FOXP2: variants seen among roughly 807,000 people sequenced by gnomAD.
The protein encoded by FOXP2 is forkhead box protein P2.
FOXP2 carries 12 observed loss-of-function variants against 115.8 expected under a neutral mutation model. The observed-to-expected ratio is 0.10, with a 90% CI of 0.07 to 0.17. The LOEUF is 0.17. Among genes scored for constraint, FOXP2 ranks in the 10% least tolerant of loss-of-function variants. FOXP2 has a pLI of 1.00. For missense variants in FOXP2, 629 were observed against 843.5 expected (o/e 0.75, Z 3.15); for synonymous variants, 328 against 297.7 (o/e 1.10, Z -1.05).
chr7:114,554,321 C>T (rs1218858788), intron 3 of FOXP2, among the ~76,000 whole-genome samples: 1 of 152,054 alleles, frequency 6.6e-6, no homozygotes, highest in East Asian at 1.9e-4. Flanking sequence ...TGCAAATACT[C>T]ATATTAATGT....
At chr7:114,471,428 A>G (rs1435458554) in intron 2 of FOXP2, among the ~76,000 whole-genome samples, 1 of 152,084 alleles carries the variant, frequency 6.6e-6, no homozygotes, top group Non-Finnish European at 1.5e-5. Context: ...CCTGACACAT[A>G]CCTTAATATC....
intron 1 of FOXP2, among the ~76,000 whole-genome samples, chr7:114,216,360 T>C (rs1431098483): frequency 6.6e-6 from 1 of 152,184 alleles, no homozygotes; most frequent in Admixed American, 6.6e-5. Flanking sequence ...AAATTGCTAT[T>C]ATATATACCA....
chr7:114,650,935 T>C (rs931077631), intron 8 of FOXP2, among the ~76,000 whole-genome samples: 3 of 152,094 alleles, frequency 2.0e-5, no homozygotes, highest in Admixed American at 6.6e-5. Flanking sequence ...TTCTGATTGT[T>C]GAACCTAGGT....
intron 2 of FOXP2, among the ~76,000 whole-genome samples, chr7:114,471,795 C>T (rs894518345): frequency 1.4e-4 from 17 of 121,490 alleles, no homozygotes; most frequent in African/African-American, 4.9e-4. Context: ...ACTAAAAATA[C>T]AAAAAAAAAA....
intron 1 of FOXP2, among the ~76,000 whole-genome samples, chr7:114,167,324 G>A (rs972088239): frequency 3.6e-4 from 55 of 152,198 alleles, no homozygotes; most frequent in African/African-American, 1.3e-3. Flanking sequence ...AGTGATTGAA[G>A]CTATATGAAG....
At chr7:114,302,037 T>C (rs1485237129) in intron 2 of FOXP2, among the ~76,000 whole-genome samples, 1 of 152,188 alleles carries the variant, frequency 6.6e-6, no homozygotes, top group African/African-American at 2.4e-5. Flanking sequence ...AGTAAATCCC[T>C]GAGGCTGTTG....
chr7:114,384,914 C>T (rs1792404591), intron 2 of FOXP2, among the ~76,000 whole-genome samples: 1 of 151,912 alleles, frequency 6.6e-6, no homozygotes, highest in South Asian at 2.1e-4. Flanking sequence ...ACACTGACAA[C>T]AAAGTGACAA....
chr7:114,121,454 C>CA (rs1791563703), intron 1 of FOXP2, among the ~76,000 whole-genome samples: 1 of 152,154 alleles, frequency 6.6e-6, no homozygotes, highest in African/African-American at 2.4e-5. Context: ...CAGTTTTTTA[C>CA]ATTTTAAGCC....
intron 1 of FOXP2, among the ~76,000 whole-genome samples, chr7:114,232,014 A>T (rs1454098430): frequency 6.6e-6 from 1 of 152,202 alleles, no homozygotes; most frequent in Non-Finnish European, 1.5e-5. Flanking sequence ...CTCAGTGGCA[A>T]AAAAACAAAT....
chr7:114,622,768 T>C (rs189369762), intron 3 of FOXP2, among the ~76,000 whole-genome samples: 39 of 152,100 alleles, frequency 2.6e-4, no homozygotes, highest in Non-Finnish European at 4.0e-4. Flanking sequence ...ACAATTGTTT[T>C]GTTTTTTGTA....
rs1158578257 is a variant in FOXP2, at chr7:114,414,881, C to T, written c.-490C>T. The T allele has an allele frequency of 8.7e-6, 3 of 344,832 alleles. 1 individual carries two copies. Among genetic ancestry groups the T allele is most frequent in the Non-Finnish European group, 1.7e-5 (3 of 174,278 alleles). The allele number at this position is 344,832 out of a possible 1,614,324, so 21.4% of individuals were successfully genotyped here. On this transcript the variant is annotated 5_prime_UTR_variant, in exon 1 of 17. Coordinates refer to ENST00000350908, the MANE Select transcript of FOXP2 (RefSeq NM_014491.4). ...GGTGCTTTTGTCTCTCTCTCTCTGTCTTTCTCTCTCTCACACACACACTCA... is the reference window on the plus strand; with the variant it reads ...GGTGCTTTTGTCTCTCTCTCTCTGTTTTTCTCTCTCTCACACACACACTCA...
intron 2 of FOXP2, among the ~76,000 whole-genome samples, chr7:114,478,673 A>G (rs1270179307): frequency 6.6e-6 from 1 of 151,818 alleles, no homozygotes; most frequent in Non-Finnish European, 1.5e-5. Context: ...GTTCTGCTTA[A>G]TATGGTCAAA....
intron 14 of FOXP2, among the ~76,000 whole-genome samples, chr7:114,662,438 A>G (rs927584110): frequency 6.6e-6 from 1 of 152,050 alleles, no homozygotes. Flanking sequence ...GTGTATCAAA[A>G]AATTGTTTTT....
intron 1 of FOXP2, among the ~76,000 whole-genome samples, chr7:114,250,671 G>C (rs1795417107): frequency 6.6e-6 from 1 of 152,114 alleles, no homozygotes; most frequent in Non-Finnish European, 1.5e-5. Flanking sequence ...AAATTTGTTT[G>C]AGTTTTTTGT....
At chr7:114,297,275 G>T in intron 2 of FOXP2, 1 of 527,518 alleles carries the variant, frequency 1.9e-6, no homozygotes, top group Non-Finnish European at 3.7e-6. Flanking sequence ...AGCTCCTATG[G>T]GGCGAACCCA....
intron 3 of FOXP2, among the ~76,000 whole-genome samples, chr7:114,590,908 T>C (rs1028070664): frequency 6.6e-6 from 1 of 152,148 alleles, no homozygotes; most frequent in South Asian, 2.1e-4. Flanking sequence ...TTATACTACG[T>C]ACTTTTTCTG....
At chr7:114,603,207 A>AGAG (rs1339414988) in intron 3 of FOXP2, among the ~76,000 whole-genome samples, 1 of 152,222 alleles carries the variant, frequency 6.6e-6, no homozygotes, top group African/African-American at 2.4e-5. Context: ...CAAAGACATC[A>AGAG]GAGTTGTATT....
intron 1 of FOXP2, among the ~76,000 whole-genome samples, chr7:114,188,498 A>T (rs372004724): frequency 1.3e-5 from 2 of 152,094 alleles, no homozygotes; most frequent in Non-Finnish European, 2.9e-5. Flanking sequence ...TTTGCTGACC[A>T]CCCTACTTAA....
At chr7:114,677,681 A>G (rs185945356) in intron 16 of FOXP2, among the ~76,000 whole-genome samples, 65 of 152,332 alleles carry the variant, frequency 4.3e-4, no homozygotes, top group Non-Finnish European at 2.6e-4. Context: ...AAAGCAACAC[A>G]TATCTTTAGG....
Sources: gnomAD v4.1 joint callset for allele counts (sites outside exome capture counted in the v4.1 genomes callset) on GRCh38, gnomAD v4.1.1 for gene constraint, MANE v1.5 for transcripts, NCBI Gene and HGNC (gene_info 2026-07-23, HGNC 2026-07-21) for gene names.